Variants in GPC6 observed in about 807,000 individuals in gnomAD.
The protein encoded by GPC6 is glypican 6, also known as glypican-6.
GPC6 carries 14 observed loss-of-function variants against 55.2 expected under a neutral mutation model. The observed-to-expected ratio is 0.25, with a 90% confidence interval of 0.17 to 0.40. The LOEUF (loss-of-function observed/expected upper bound fraction) is 0.40. Among genes scored for constraint, GPC6 ranks in the 10% least tolerant of loss-of-function variants. The pLI is 1.00. For missense variants in GPC6, 641 were observed against 708.5 expected (o/e 0.90, Z 1.08); for synonymous variants, 278 against 259.6 (o/e 1.07, Z -0.68).
At chr13:94,177,491 AG>A (rs1888819962) in intron 4 of GPC6, among the ~76,000 whole-genome samples, 1 of 152,192 alleles carries the variant, frequency 6.6e-6, no homozygotes. Flanking sequence ...CTAACAATTT[AG>A]GAAAAAAGTA....
chr13:93,286,736 A>G (rs893259974), intron 1 of GPC6, among the ~76,000 whole-genome samples: 1 of 152,194 alleles, frequency 6.6e-6, no homozygotes, highest in Non-Finnish European at 1.5e-5. Flanking sequence ...AGACAGCTTT[A>G]CTTACCAGCC....
chr13:93,231,201 C>G (rs1489375483), intron 1 of GPC6, among the ~76,000 whole-genome samples: 1 of 151,068 alleles, frequency 6.6e-6, no homozygotes, highest in Non-Finnish European at 1.5e-5. Context: ...AGTTCAAACC[C>G]AGGCACTCTG....
At chr13:93,930,555 G>A (rs894860852) in intron 3 of GPC6, among the ~76,000 whole-genome samples, 1 of 152,036 alleles carries the variant, frequency 6.6e-6, no homozygotes, top group Non-Finnish European at 1.5e-5. Context: ...GCAGGGATGA[G>A]CCATCACACC....
intron 1 of GPC6, among the ~76,000 whole-genome samples, chr13:93,419,302 A>G (rs1876836471): frequency 6.6e-6 from 1 of 151,850 alleles, no homozygotes; most frequent in Non-Finnish European, 1.5e-5. Context: ...ATTCACTTGT[A>G]AATAACTTTG....
At chr13:93,262,820 C>G (rs1276831817) in intron 1 of GPC6, among the ~76,000 whole-genome samples, 2 of 152,046 alleles carry the variant, frequency 1.3e-5, no homozygotes, top group Non-Finnish European at 2.9e-5. Context: ...GGACCTGGAC[C>G]CCAGCTGATG....
chr13:94,021,073 A>G (rs1882675006), intron 3 of GPC6, among the ~76,000 whole-genome samples: 1 of 152,084 alleles, frequency 6.6e-6, no homozygotes, highest in Non-Finnish European at 1.5e-5. Context: ...GTGACTGTAC[A>G]TTAGAAACTG....
chr13:93,531,109 A>C (rs1881848614), intron 1 of GPC6, among the ~76,000 whole-genome samples: 1 of 152,116 alleles, frequency 6.6e-6, no homozygotes, highest in African/African-American at 2.4e-5. Context: ...AGTCATGATG[A>C]GTGCCATTGT....
At chr13:93,542,820 CTGTTTGTCTGTTA>C (rs1882374054) in intron 1 of GPC6, among the ~76,000 whole-genome samples, 1 of 152,166 alleles carries the variant, frequency 6.6e-6, no homozygotes, top group Non-Finnish European at 1.5e-5. Flanking sequence ...ATTTGGCTCT[CTGTTTGTCTGTTA>C]TTGGTGTATA....
chr13:93,434,521 G>T (rs1877491992), intron 1 of GPC6, among the ~76,000 whole-genome samples: 1 of 152,110 alleles, frequency 6.6e-6, no homozygotes, highest in Admixed American at 6.5e-5. Context: ...AAACAAATTA[G>T]CAAGAATGGA....
At chr13:93,765,657 A>G (rs921337627) in intron 2 of GPC6, among the ~76,000 whole-genome samples, 8 of 152,206 alleles carry the variant, frequency 5.3e-5, no homozygotes, top group African/African-American at 1.9e-4. Flanking sequence ...CCACTTAACA[A>G]ACATTCACAG....
At chr13:94,243,103 C>G (rs1340452887) in intron 4 of GPC6, among the ~76,000 whole-genome samples, 2 of 152,058 alleles carry the variant, frequency 1.3e-5, no homozygotes, top group Non-Finnish European at 2.9e-5. Context: ...TTGGAAAGCC[C>G]TGACTTCATC....
At chr13:93,366,310 G>T (rs1881245584) in intron 1 of GPC6, among the ~76,000 whole-genome samples, 1 of 152,042 alleles carries the variant, frequency 6.6e-6, no homozygotes, top group East Asian at 1.9e-4. Flanking sequence ...GTAGTTTAAT[G>T]TTAACAAAAT....
chr13:93,435,278 CTAT>C (rs912970056), intron 1 of GPC6, among the ~76,000 whole-genome samples: 54 of 151,230 alleles, frequency 3.6e-4, no homozygotes, highest in African/African-American at 1.2e-3. Context: ...CCATGCCCAG[CTAT>C]TATTATTATT....
intron 1 of GPC6, among the ~76,000 whole-genome samples, chr13:93,477,145 T>A (rs1002069796): frequency 2.0e-5 from 3 of 152,110 alleles, no homozygotes; most frequent in Non-Finnish European, 4.4e-5. Context: ...TGGTTTCATG[T>A]TTAACATTAT....
intron 2 of GPC6, among the ~76,000 whole-genome samples, chr13:93,795,525 C>A (rs1204613140): frequency 6.6e-6 from 1 of 152,050 alleles, no homozygotes; most frequent in East Asian, 1.9e-4. Flanking sequence ...ACAAGCTATA[C>A]AAAGCAATCC....
At chr13:93,414,363 T>A (rs1876615591) in intron 1 of GPC6, among the ~76,000 whole-genome samples, 1 of 152,158 alleles carries the variant, frequency 6.6e-6, no homozygotes. Flanking sequence ...GCTCATATAG[T>A]GCTTTTGTAG....
chr13:93,549,662 C>T (rs181915877), intron 2 of GPC6, among the ~76,000 whole-genome samples: 38 of 152,180 alleles, frequency 2.5e-4, no homozygotes, highest in African/African-American at 6.7e-4. Flanking sequence ...TGGTCAACAC[C>T]GCCTATCCCT....
intron 4 of GPC6, among the ~76,000 whole-genome samples, chr13:94,196,187 T>C (rs903692959): frequency 4.4e-5 from 6 of 136,338 alleles, no homozygotes; most frequent in African/African-American, 1.8e-4. Flanking sequence ...CCTTTTCAGT[T>C]TTTTTTTTTT....
At chr13:93,686,531 T>G (rs190886495) in intron 2 of GPC6, among the ~76,000 whole-genome samples, 63 of 152,266 alleles carry the variant, frequency 4.1e-4, no homozygotes, top group African/African-American at 1.5e-3. Context: ...GTTTTGGTTA[T>G]TGGCATATAA....
Sources: allele counts gnomAD v4.1 joint callset (sites outside exome capture counted in the v4.1 genomes callset), GRCh38; gene constraint gnomAD v4.1.1; transcripts MANE v1.5; gene names NCBI Gene and HGNC (gene_info 2026-07-23, HGNC 2026-07-21).